The following ANO7 variants were observed in gnomAD, a reference collection of about 807,000 sequenced individuals.
ANO7 encodes the protein anoctamin 7.
Under a neutral mutation model 115.8 loss-of-function variants are expected in ANO7, and 114 were observed. That is an observed-to-expected ratio of 0.98 (90% CI 0.85 to 1.15). The LOEUF (loss-of-function observed/expected upper bound fraction) is 1.15, where lower values mean the gene tolerates loss of function less well. Ranked by LOEUF, ANO7 falls within the 50% of genes most tolerant of loss-of-function variation. The pLI, the probability that ANO7 is intolerant of heterozygous loss-of-function variation, is 0.00. For synonymous variants in ANO7, 550 were observed against 498.2 expected, an observed-to-expected ratio of 1.10 and a Z score of -1.38; for missense variants, 1,302 against 1,201.2, an observed-to-expected ratio of 1.08 and a Z score of -1.24.
At chr2:241,198,894 A>G (rs2068403083) in intron 4 of ANO7, among the ~76,000 whole-genome samples, 1 of 152,248 alleles carries the variant, frequency 6.6e-6, no homozygotes, top group African/African-American at 2.4e-5. Context: ...ATGTCCGTGC[A>G]CAGCATGCAT....
intron 21 of ANO7, among the ~76,000 whole-genome samples, chr2:241,221,039 G>T (rs1372006300): frequency 3.3e-5 from 5 of 151,600 alleles, no homozygotes; most frequent in African/African-American, 9.7e-5. Context: ...ACAAATCAAA[G>T]AAAATGATAT....
At chr2:241,235,367 A>G in the ANO7 span, 2 of 1,521,640 alleles carry the variant, frequency 1.3e-6, no homozygotes, top group Admixed American at 1.7e-5. Flanking sequence ...CGTGAAGGGA[A>G]GTCAGTGCCC....
Position 241,207,689 on chromosome 2 carries a change from G to A in ANO7, c.1077+19G>A. Reference sequence around the variant, plus strand: ...GGCCCAGGTACGAGAAGAGGTGGGTGGGGTAAGGGATTTGAGAGTCGGGGA... The same window carrying A: ...GGCCCAGGTACGAGAAGAGGTGGGTAGGGTAAGGGATTTGAGAGTCGGGGA... On this transcript the variant is annotated intron_variant, in intron 11 of 24. Coordinates refer to ENST00000674324, the MANE Select transcript of ANO7 (RefSeq NM_001370694.2). 6.2e-7 allele frequency: 1 copy of A among 1,611,264 alleles called. No individual in the cohort carries two copies. The highest frequency in any genetic ancestry group is 8.5e-7 in the Non-Finnish European group (1 of 1,178,656).
At chr2:241,189,175 G>A (rs903118687) in intron 1 of ANO7, among the ~76,000 whole-genome samples, 1 of 151,252 alleles carries the variant, frequency 6.6e-6, no homozygotes, top group African/African-American at 2.4e-5. Context: ...AGTCCGTAGT[G>A]AGGCTCCCAG....
chr2:241,192,977 G>A (rs1417480061), intron 3 of ANO7, among the ~76,000 whole-genome samples: 2 of 152,174 alleles, frequency 1.3e-5, no homozygotes, highest in Admixed American at 6.5e-5. Flanking sequence ...TGGTGGTCAT[G>A]GCTGCACAAG....
chr2:241,220,522 C>T (rs2068986229), intron 21 of ANO7, among the ~76,000 whole-genome samples: 1 of 151,992 alleles, frequency 6.6e-6, no homozygotes. Context: ...CATGGTGAAA[C>T]TCCATCCCTG....
chr2:241,230,030 C>CCCCTG, downstream of ANO7: 1 of 1,579,368 alleles, frequency 6.3e-7, no homozygotes, highest in Non-Finnish European at 8.6e-7. The surrounding 1 kb of genome is among the most constrained non-coding windows in gnomAD (Gnocchi z 5.0). Flanking sequence ...CGCCTGCTCA[C>CCCCTG]CCCTGCACCT....
intron 5 of ANO7, among the ~76,000 whole-genome samples, chr2:241,199,754 A>C (rs777444217): frequency 1.3e-5 from 2 of 152,188 alleles, no homozygotes; most frequent in Non-Finnish European, 2.9e-5. Context: ...AGGTGACCTC[A>C]GGAAGATGGG....
At chr2:241,207,507 C>T (rs1001382123) in intron 10 of ANO7, 67 bp from the exon 11 acceptor site, 6 of 1,390,142 alleles carry the variant, frequency 4.3e-6, no homozygotes, top group Non-Finnish European at 4.1e-6. Context: ...AGGGAGGCGC[C>T]TGGCTGGGAG....
chr2:241,202,994 C>G (rs112292512), intron 8 of ANO7, among the ~76,000 whole-genome samples: 3,243 of 152,306 alleles, frequency 0.021, 100 homozygotes, highest in African/African-American at 0.074. Flanking sequence ...ATGCACAGCA[C>G]AGGACACGAG....
rs1050793998 is a variant in ANO7 at position 241,225,785 on chromosome 2, T to C, written c.*1632T>C. ...GCAGGGATGCAGGCTCACAGCGCCC[T>C]GGGGCTGGACACCACCGGCCGGAGC... On this transcript the variant is annotated 3_prime_UTR_variant, in exon 25 of 25. Coordinates refer to ENST00000674324, the MANE Select transcript of ANO7 (RefSeq NM_001370694.2). Among the ~76,000 whole-genome samples the C allele has an allele frequency of 6.6e-6, 1 of 152,122 alleles. No individual in the cohort carries two copies. Among genetic ancestry groups the C allele is most frequent in the Admixed American group, 6.5e-5 (1 of 15,278 alleles).
the ANO7 span, chr2:241,235,362 A>T: frequency 1.3e-6 from 2 of 1,538,054 alleles, no homozygotes; most frequent in East Asian, 4.5e-5. Flanking sequence ...CCCGCCGTGA[A>T]GGGAAGTCAG....
rs375099449 is a variant in ANO7, at chr2:241,223,969, C to T, written c.2583+14C>T. ...GAGGGCTCAGAGGCAAGTCTGGGAG[C>T]AGCCAGGCCCCTGCCCCGTGCACTC... On this transcript the variant is annotated intron_variant, in intron 24 of 24. Transcript: ENST00000674324. 1.9e-6 allele frequency: 3 copies of T among 1,613,936 alleles called. No homozygotes were observed. Among genetic ancestry groups the T allele is most frequent in the African/African-American group, 1.3e-5 (1 of 74,918 alleles).
chr2:241,215,947 C>A, intron 18 of ANO7, 146 bp from the exon 19 acceptor site: 1 of 984,306 alleles, frequency 1.0e-6, no homozygotes, highest in Non-Finnish European at 1.5e-6. Context: ...ACTGCGTCCA[C>A]CCCTCAGCCC....
At chr2:241,236,328 AC>A in the ANO7 span, 1 of 441,016 alleles carries the variant, frequency 2.3e-6, no homozygotes, top group Non-Finnish European at 4.1e-6. Context: ...TGCAGCTGAG[AC>A]CCTTCCACAG....
intron 11 of ANO7, among the ~76,000 whole-genome samples, chr2:241,208,937 C>T (rs1281115914): frequency 2.0e-5 from 3 of 152,062 alleles, no homozygotes; most frequent in Admixed American, 6.5e-5. Flanking sequence ...ATCACAAGGT[C>T]AGAAGATCGA....
chr2:241,237,829 A>T, the ANO7 span, among the ~76,000 whole-genome samples: 10 of 152,264 alleles, frequency 6.6e-5, no homozygotes, highest in East Asian at 1.7e-3. Flanking sequence ...TTAAATAACC[A>T]CTGAAGTGTA....
chr2:241,202,505 C>T (rs1054924423), intron 8 of ANO7, among the ~76,000 whole-genome samples: 3 of 152,196 alleles, frequency 2.0e-5, no homozygotes, highest in Non-Finnish European at 2.9e-5. Flanking sequence ...TCCGGCTCTG[C>T]GGGGACTGCA....
chr2:241,211,537 G>C (rs2068720053), intron 15 of ANO7, among the ~76,000 whole-genome samples: 1 of 152,214 alleles, frequency 6.6e-6, no homozygotes, highest in East Asian at 1.9e-4. Context: ...GAGGGCTTAA[G>C]TGCTGAGGAG....
Sources: gnomAD v4.1 joint callset for allele counts (sites outside exome capture counted in the v4.1 genomes callset) on GRCh38, gnomAD v4.1.1 for gene constraint, Gnocchi (gnomAD v3.1) non-coding constraint, MANE v1.5 for transcripts, NCBI Gene and HGNC (gene_info 2026-07-23, HGNC 2026-07-21) for gene names.